The following HIP1R variants were observed in gnomAD, a reference collection of about 807,000 sequenced individuals.
The protein encoded by HIP1R is huntingtin interacting protein 1 related.
A neutral mutation model predicts 144.2 loss-of-function variants in HIP1R; 135 were observed. The ratio of observed to expected loss-of-function variants is 0.94; its 90% CI spans 0.81 to 1.08. The LOEUF is 1.08. HIP1R is among the 50% of genes least tolerant of loss of function. The probability of loss-of-function intolerance (pLI) is 0.00; values close to 1 mark genes in which losing one functional copy is unlikely to be tolerated. For synonymous variants in HIP1R, 698 were observed against 612.8 expected, an observed-to-expected ratio of 1.14 and a Z score of -2.05; for missense variants, 1,462 against 1,432.8, an observed-to-expected ratio of 1.02 and a Z score of -0.33.
intron 8 of HIP1R, 65 bp from the exon 9 acceptor site, chr12:122,854,840 G>A (rs2033514448): frequency 9.8e-6 from 15 of 1,523,920 alleles, no homozygotes; most frequent in Non-Finnish European, 1.2e-5. Flanking sequence ...GGAGGAACAA[G>A]GCAGGGCAGG....
At chr12:122,856,905 C>G (rs1195765908) in intron 17 of HIP1R, 116 bp from the exon 18 acceptor site, 1 of 1,138,710 alleles carries the variant, frequency 8.8e-7, no homozygotes, top group Non-Finnish European at 1.3e-6. Context: ...CTCAGGGAGC[C>G]CTGAGTCTAA....
chr12:122,853,090 C>T (rs1453133589), intron 7 of HIP1R, among the ~76,000 whole-genome samples: 1 of 152,132 alleles, frequency 6.6e-6, no homozygotes, highest in Non-Finnish European at 1.5e-5. Context: ...TGGCCGCTCT[C>T]CCGTGCTGGC....
In HIP1R at chr12:122,861,693, T is replaced by G; in HGVS notation, c.3160-13T>G. ...GGCTGTGACCACTGACCCCCCACCT[T>G]TAACCCCTGCAGCTTGACAAAAAGG... is the stretch of plus-strand genomic sequence containing the variant. On this transcript the variant is annotated splice_polypyrimidine_tract_variant and intron_variant, in intron 31 of 31. Transcript: ENST00000253083. 1 of 1,614,030 alleles carries G rather than the reference T, an allele frequency of 6.2e-7. No individual in the cohort carries two copies. The highest frequency in any genetic ancestry group is 1.1e-5 in the South Asian group (1 of 91,080).
Position 122,859,665 on chromosome 12 carries a change from C to T in HIP1R, c.2407-107C>T, listed in dbSNP as rs547235714. 2.8e-6 allele frequency: 4 copies of T among 1,425,498 alleles called. No individual in the cohort carries two copies. In the African/African-American group the frequency reaches 5.7e-5, roughly 20 times the overall value. 88.3% of individuals were successfully genotyped at this position (1,425,498 alleles called of 1,614,324 possible). A position where few individuals can be genotyped will look rare whatever the true frequency, so the allele number is the denominator to read the frequency against. On this transcript the variant is annotated intron_variant, in intron 23 of 31. Transcript: ENST00000253083. ...CCAGACAGAGGACAGATGGCGTTTT[C>T]CAGGGGCCTGTGAGGTCAGAGCTGA...
chr12:122,851,211 T>C, intron 6 of HIP1R, 25 bp from the exon 7 acceptor site: 1 of 1,489,300 alleles, frequency 6.7e-7, no homozygotes, highest in Non-Finnish European at 8.9e-7. Context: ...CCTTTTTCAT[T>C]TCTTCCCCCA....
In HIP1R at chr12:122,858,267, ACT is replaced by A; in HGVS notation, c.1963+20_1963+21del. On this transcript the variant is annotated intron_variant, in intron 19 of 31. Transcript: ENST00000253083. ...CTCCCCAGGTAGACAGTGGGGCCAC[ACT>A]CAGCCGCTCCCCTGCCTCCTTCCCA... is the stretch of plus-strand genomic sequence containing the variant. 1 of 1,578,500 alleles carries A rather than the reference ACT, an allele frequency of 6.3e-7. No homozygotes were observed. The highest frequency in any genetic ancestry group is 1.1e-5 in the South Asian group (1 of 87,768).
chr12:122,840,825 T>G lies in HIP1R; in HGVS notation c.93+5182T>G, dbSNP rs2135631455. ...GCTCTCCAGGGTTGGGAGGATATTC[T>G]GGGGGACGACAGCCTCAGGAGGTGC... is the stretch of plus-strand genomic sequence containing the variant. On this transcript the variant is annotated intron_variant, in intron 1 of 31. Transcript: ENST00000253083. The surrounding 1 kb of genome is among the most constrained non-coding windows in gnomAD (Gnocchi z 4.2). Among the ~76,000 whole-genome samples the G allele has an allele frequency of 6.6e-6, 1 of 152,214 alleles. No individual in the cohort carries two copies. The highest frequency in any genetic ancestry group is 1.5e-5 in the Non-Finnish European group (1 of 68,000).
intron 1 of HIP1R, among the ~76,000 whole-genome samples, chr12:122,841,952 G>T (rs78245747): frequency 0.044 from 6,728 of 152,238 alleles, 264 homozygotes; most frequent in East Asian, 0.23. Context: ...AGCAGGCCTG[G>T]GTGAGAGTGA....
intron 1 of HIP1R, among the ~76,000 whole-genome samples, chr12:122,839,424 A>T (rs538199779): frequency 6.6e-6 from 1 of 152,284 alleles, no homozygotes; most frequent in African/African-American, 2.4e-5. Flanking sequence ...ACATGAAACT[A>T]CCCAGGTGTA....
At chr12:122,842,230 A>T (rs2033077363) in intron 1 of HIP1R, among the ~76,000 whole-genome samples, 2 of 152,314 alleles carry the variant, frequency 1.3e-5, no homozygotes, top group Middle Eastern at 6.8e-3. Context: ...CAGCTCTTTG[A>T]AGAACGTTCT....
chr12:122,850,919 A>C lies in HIP1R; in HGVS notation c.515+8A>C. ...GACCGATGTCAACAACATGTGAGTC[A>C]CTCTGCATGGCTACATAGCCAGTTC... On this transcript the variant is annotated splice_region_variant and intron_variant, in intron 6 of 31. Transcript: ENST00000253083. The C allele has an allele frequency of 6.2e-7, 1 of 1,607,786 alleles. No individual in the cohort carries two copies. Among genetic ancestry groups the C allele is most frequent in the East Asian group, 2.3e-5 (1 of 44,434 alleles).
intron 30 of HIP1R, 28 bp from the exon 31 acceptor site, chr12:122,861,280 C>T: frequency 6.2e-7 from 1 of 1,613,530 alleles, no homozygotes; most frequent in Non-Finnish European, 8.5e-7. Flanking sequence ...GGAGGCTGGG[C>T]TGGGCTGAGC....
In HIP1R at chr12:122,855,162, A is replaced by T. The variant is rs768852610; in HGVS notation, c.852+34A>T. The stretch of plus-strand genomic sequence containing the variant: ...CCCAAGAGGGCCCCGAGGCCCTTTG[A>T]GGACCCCAGGCACCTGGCTGGGCCC... On this transcript the variant is annotated intron_variant, in intron 10 of 31. Coordinates refer to ENST00000253083, the MANE Select transcript of HIP1R (RefSeq NM_003959.3). The T allele has an allele frequency of 2.2e-5, 36 of 1,609,604 alleles. No individual in the cohort carries two copies. In the East Asian group the frequency reaches 4.5e-4, roughly 20 times the overall value.
In HIP1R at chr12:122,862,074, G is replaced by A. The variant is rs1262942940; in HGVS notation, c.*321G>A. 4 of 328,978 alleles carry A rather than the reference G, an allele frequency of 1.2e-5. No individual in the cohort carries two copies. Among genetic ancestry groups the A allele is most frequent in the African/African-American group, 2.2e-5 (1 of 46,366 alleles). The allele number at this position is 328,978 out of a possible 1,614,324, so 20.4% of individuals were successfully genotyped here. A position where few individuals can be genotyped will look rare whatever the true frequency, so the allele number is the denominator to read the frequency against. On this transcript the variant is annotated 3_prime_UTR_variant, in exon 32 of 32. Transcript: ENST00000253083. The stretch of plus-strand genomic sequence containing the variant: ...CAGAAAATAGTGTTTTTAATATTCC[G>A]AGCTAGAGCTCTTCTTCCTACGTTT...
intron 18 of HIP1R, chr12:122,857,581 G>A (rs2033627068): frequency 2.4e-6 from 1 of 418,014 alleles, no homozygotes; most frequent in Admixed American, 3.6e-5. Flanking sequence ...CACTTATCTT[G>A]GATAGATAGC....
At chr12:122,857,808 T>G in intron 18 of HIP1R, 1 of 357,116 alleles carries the variant, frequency 2.8e-6, no homozygotes, top group African/African-American at 2.1e-5. Flanking sequence ...CGGTCTTGAT[T>G]TGTGTTTCCC....
rs112655537 is a variant in HIP1R at position 122,848,072 on chromosome 12, C to G, written c.135C>G (p.Pro45=). 3 of 1,613,536 alleles carry G rather than the reference C, an allele frequency of 1.9e-6. No individual in the cohort carries two copies. Among genetic ancestry groups the G allele is most frequent in the Non-Finnish European group, 2.5e-6 (3 of 1,179,960 alleles). ...ISKAINTQEA[P]VKEKHARRII... ...AAGCCATCAACACCCAGGAGGCCCC[C>G]GTGAAGGAGAAGCACGCCCGGCGTA... Residue 45 remains proline (P), a synonymous_variant, in exon 2 of 32, where the codon CCC becomes CCG. Transcript: ENST00000253083.
At chr12:122,853,776 G>T in intron 7 of HIP1R, 1 of 380,310 alleles carries the variant, frequency 2.6e-6, no homozygotes, top group Non-Finnish European at 4.7e-6. Flanking sequence ...CTCGTCCTGG[G>T]CTCCCAGGTG....
chr12:122,854,839 A>G (rs2033514352), intron 8 of HIP1R, 66 bp from the exon 9 acceptor site: 1 of 1,520,156 alleles, frequency 6.6e-7, no homozygotes, highest in Non-Finnish European at 9.1e-7. Flanking sequence ...CGGAGGAACA[A>G]GGCAGGGCAG....
Sources: allele counts gnomAD v4.1 joint callset (sites outside exome capture counted in the v4.1 genomes callset), GRCh38; gene constraint gnomAD v4.1.1; non-coding constraint Gnocchi (gnomAD v3.1); transcripts MANE v1.5; gene names NCBI Gene and HGNC (gene_info 2026-07-23, HGNC 2026-07-21).